Variants in PALLD observed in about 807,000 individuals in gnomAD.
The protein encoded by PALLD is palladin.
PALLD carries 61 observed loss-of-function variants against 123.5 expected under a neutral mutation model. The ratio of observed to expected loss-of-function variants is 0.49; its 90% CI spans 0.40 to 0.61. PALLD has a LOEUF of 0.61. Among genes scored for constraint, PALLD ranks in the 20% least tolerant of loss-of-function variants. The probability of loss-of-function intolerance (pLI) is 0.00; values close to 1 mark genes in which losing one functional copy is unlikely to be tolerated. For synonymous variants in PALLD, 465 were observed against 496.4 expected (o/e 0.94, Z 0.84); for missense variants, 1,273 against 1,377.0 (o/e 0.92, Z 1.20).
intron 21 of PALLD, among the ~76,000 whole-genome samples, chr4:168,925,854 C>T (rs1406069186): frequency 6.6e-6 from 1 of 152,010 alleles, no homozygotes; most frequent in Admixed American, 6.6e-5. Context: ...AGCAGAATTC[C>T]TAAGTGCTAT....
At chr4:168,728,273 T>C (rs1263686359) in intron 10 of PALLD, among the ~76,000 whole-genome samples, 1 of 152,192 alleles carries the variant, frequency 6.6e-6, no homozygotes, top group Admixed American at 6.5e-5. Flanking sequence ...AGGAATAGCA[T>C]TGAATCTGTA....
chr4:168,747,265 G>T (rs144231147), intron 10 of PALLD, among the ~76,000 whole-genome samples: 31 of 152,360 alleles, frequency 2.0e-4, no homozygotes, highest in African/African-American at 7.5e-4. Context: ...TGTGGGAGAA[G>T]ACAGCATGTC....
rs566759767 is a variant in PALLD, at chr4:168,852,940, G to T, written c.1965-37982G>T. On this transcript the variant is annotated intron_variant, in intron 10 of 21. Transcript: ENST00000505667. ...TGGAATTGCCCTTTTCCCTGCCTCA[G>T]TTGTTTTTGGTAATATTAACTCTTT... Among the ~76,000 whole-genome samples the T allele has an allele frequency of 2.0e-5, 3 of 152,266 alleles. No homozygotes were observed. In the South Asian group the frequency reaches 6.2e-4, roughly 32 times the overall value.
intron 10 of PALLD, among the ~76,000 whole-genome samples, chr4:168,750,469 G>C (rs997601001): frequency 2.6e-5 from 4 of 152,210 alleles, no homozygotes; most frequent in Admixed American, 2.6e-4. Context: ...TACACTGAAG[G>C]CCAGGGGATT....
rs1187327665 is a variant in PALLD, at chr4:168,709,730, C to CT, written c.1621+584dup. Among the ~76,000 whole-genome samples the CT allele has an allele frequency of 8.1e-4, 123 of 151,676 alleles. 1 individual carries two copies. The highest frequency in any genetic ancestry group is 2.4e-4 in the Non-Finnish European group (16 of 67,886). ...CCACTCCAGGAGTCACCCTAACAAT[C>CT]TAAGTTCATCGTGAAACAAAGGCTT... On this transcript the variant is annotated intron_variant, in intron 9 of 21. Coordinates refer to ENST00000505667, the MANE Select transcript of PALLD (RefSeq NM_001166108.2).
chr4:168,670,789 CA>C (rs1238495535), intron 3 of PALLD, among the ~76,000 whole-genome samples: 6 of 100,872 alleles, frequency 5.9e-5, no homozygotes, highest in Non-Finnish European at 1.2e-4. Context: ...AAAAAAAAAA[CA>C]AAAAAAACAA....
rs563745058 is a variant in PALLD, at chr4:168,506,925, C to T, written c.-82-4498C>T. 3.3e-5 allele frequency among the ~76,000 whole-genome samples: 5 copies of T among 152,310 alleles called. No individual in the cohort carries two copies. In the East Asian group the frequency reaches 9.6e-4, roughly 29 times the overall value. ...CTTTCCCAGCTTCCACGATATCTAG[C>T]TTTTCTTGCTTCCCTGTGATTATTC... On this transcript the variant is annotated intron_variant, in intron 1 of 21. Coordinates refer to ENST00000505667, the MANE Select transcript of PALLD (RefSeq NM_001166108.2).
chr4:168,731,151 G>A lies in PALLD; in HGVS notation c.1964+19228G>A, dbSNP rs144648059. Among the ~76,000 whole-genome samples, 334 of 152,180 alleles carry A rather than the reference G, an allele frequency of 2.2e-3. 1 individual carries two copies. The highest frequency in any genetic ancestry group is 5.4e-3 in the African/African-American group (224 of 41,512). ...TGATTCACTCTCTGTAGGCACTTGGGTTTTCCTCTCCTGATAAGTCAGTGA... is the reference window on the plus strand; with the variant it reads ...TGATTCACTCTCTGTAGGCACTTGGATTTTCCTCTCCTGATAAGTCAGTGA... On this transcript the variant is annotated intron_variant, in intron 10 of 21. Coordinates refer to ENST00000505667, the MANE Select transcript of PALLD (RefSeq NM_001166108.2).
intron 2 of PALLD, among the ~76,000 whole-genome samples, chr4:168,605,092 G>C (rs1241349035): frequency 6.6e-5 from 10 of 152,040 alleles, no homozygotes; most frequent in Admixed American, 2.0e-4. Context: ...TGTGATCAAG[G>C]GGGTAATTAA....
intron 2 of PALLD, among the ~76,000 whole-genome samples, chr4:168,513,458 A>G (rs1413928691): frequency 7.2e-5 from 11 of 152,206 alleles, no homozygotes; most frequent in Admixed American, 7.2e-4. Flanking sequence ...AAGGGGAAAG[A>G]GATCCTGGAG....
At position 168,691,360 on chromosome 4, in the gene PALLD, A is replaced by G. The variant is rs906179897; in HGVS notation, c.1501+68A>G. On this transcript the variant is annotated intron_variant, in intron 8 of 21. Coordinates refer to ENST00000505667, the MANE Select transcript of PALLD (RefSeq NM_001166108.2). ...CAGATAATGTATCTTTTGGGTCTCA[A>G]TAGTTCTTTCTTTCTACCTTAAAGC... 7.7e-6 allele frequency: 10 copies of G among 1,292,438 alleles called. No individual in the cohort carries two copies. The African/African-American group carries it at 8.9e-5, about 11-fold the overall frequency. The allele number at this position is 1,292,438 out of a possible 1,614,324, so 80.1% of individuals were successfully genotyped here. A position where few individuals can be genotyped will look rare whatever the true frequency, so the allele number is the denominator to read the frequency against.
intron 10 of PALLD, among the ~76,000 whole-genome samples, chr4:168,730,282 T>C (rs908217764): frequency 3.3e-5 from 5 of 152,192 alleles, no homozygotes; most frequent in African/African-American, 1.2e-4. Context: ...TTTCTGCTAT[T>C]GTATTTTTAA....
At chr4:168,709,547 GAA>G (rs1561429434) in intron 9 of PALLD, among the ~76,000 whole-genome samples, 117 of 562 alleles carry the variant, frequency 0.21, no homozygotes, top group Non-Finnish European at 0.34. Flanking sequence ...AGGAAGGAAG[GAA>G]GGAAGGAAGG....
At chr4:168,668,131 T>A in intron 2 of PALLD, 59 bp from the exon 3 acceptor site, 1 of 1,366,312 alleles carries the variant, frequency 7.3e-7, no homozygotes, top group Middle Eastern at 1.8e-4. Context: ...CTTTATTGTT[T>A]TAAACATCAC....
intron 10 of PALLD, among the ~76,000 whole-genome samples, chr4:168,807,967 A>T (rs1267672033): frequency 1.3e-5 from 2 of 150,746 alleles, no homozygotes; most frequent in Non-Finnish European, 3.0e-5. Context: ...CAGCTTCCCA[A>T]TGTGCTGGGA....
At chr4:168,582,241 A>G (rs1770361168) in intron 2 of PALLD, among the ~76,000 whole-genome samples, 2 of 152,088 alleles carry the variant, frequency 1.3e-5, no homozygotes, top group African/African-American at 2.4e-5. Flanking sequence ...GCTATTGTAA[A>G]TGGGATTGTT....
chr4:168,867,358 G>T (rs1750443770), intron 10 of PALLD, among the ~76,000 whole-genome samples: 1 of 152,110 alleles, frequency 6.6e-6, no homozygotes, highest in South Asian at 2.1e-4. Context: ...TCCCCTGGTG[G>T]CTTTAAACAC....
intron 2 of PALLD, among the ~76,000 whole-genome samples, chr4:168,529,277 C>T (rs1442625176): frequency 6.6e-6 from 1 of 151,530 alleles, no homozygotes; most frequent in Non-Finnish European, 1.5e-5. Flanking sequence ...GTGGAGGTTG[C>T]AGTGAGCTGA....
chr4:168,727,104 A>G (rs1786667893), intron 10 of PALLD, among the ~76,000 whole-genome samples: 2 of 152,166 alleles, frequency 1.3e-5, no homozygotes, highest in Admixed American at 6.5e-5. Flanking sequence ...TATGTACCAC[A>G]TTGTCTTTAT....
Sources: gnomAD v4.1 joint callset for allele counts (sites outside exome capture counted in the v4.1 genomes callset) on GRCh38, gnomAD v4.1.1 for gene constraint, MANE v1.5 for transcripts, NCBI Gene and HGNC (gene_info 2026-07-23, HGNC 2026-07-21) for gene names.